MLXIP: variants seen among roughly 807,000 people sequenced by gnomAD.
MLXIP encodes MLX-interacting protein.
In MLXIP, 30 loss-of-function variants were observed where a neutral mutation model predicts 87.2. The observed-to-expected ratio is 0.34, with a 90% CI of 0.26 to 0.47. The LOEUF (loss-of-function observed/expected upper bound fraction) is 0.47, where lower values mean the gene tolerates loss of function less well. MLXIP is among the 20% of genes least tolerant of loss of function. MLXIP has a pLI of 1.00. For missense variants in MLXIP, 1,002 were observed against 1,240.1 expected, an observed-to-expected ratio of 0.81 and a Z score of 2.88; for synonymous variants, 530 against 514.0, an observed-to-expected ratio of 1.03 and a Z score of -0.42.
intron 1 of MLXIP, among the ~76,000 whole-genome samples, chr12:122,120,575 T>C (rs1436350865): frequency 6.6e-6 from 1 of 152,216 alleles, no homozygotes; most frequent in African/African-American, 2.4e-5. Flanking sequence ...TCATCTACTT[T>C]AAAATGGTTA....
At chr12:122,124,225 CCCA>C (rs1952835673) in intron 1 of MLXIP, among the ~76,000 whole-genome samples, 3 of 89,338 alleles carry the variant, frequency 3.4e-5, no homozygotes, top group South Asian at 1.1e-3. Flanking sequence ...CAGCCGTCCC[CCCA>C]CCCTCAGCCG....
intron 6 of MLXIP, 90 bp from the exon 7 acceptor site, chr12:122,130,754 G>A: frequency 4.5e-6 from 4 of 896,160 alleles, no homozygotes; most frequent in Middle Eastern, 2.1e-4. Flanking sequence ...GATGTGAGCA[G>A]GGCCAGGAAG....
At chr12:122,087,947 G>T (rs1952191780) in intron 1 of MLXIP, among the ~76,000 whole-genome samples, 1 of 152,234 alleles carries the variant, frequency 6.6e-6, no homozygotes, top group South Asian at 2.1e-4. Flanking sequence ...AGCAGCTGGG[G>T]CCATTACTGA....
At position 122,113,681 on chromosome 12, in the gene MLXIP, C is replaced by CTTTT. The variant is rs1173711241; in HGVS notation, c.414-13557_414-13554dup. The stretch of plus-strand genomic sequence containing the variant: ...ACAGTCCATATAACTGCCTTCATTT[C>CTTTT]TTTTTTTTTTTTTTTTTTTTTGAGA... On this transcript the variant is annotated intron_variant, in intron 1 of 16. Coordinates refer to ENST00000319080, the MANE Select transcript of MLXIP (RefSeq NM_014938.6). Among the ~76,000 whole-genome samples, 1,002 of 100,582 alleles carry CTTTT rather than the reference C, an allele frequency of 1.0e-2. 146 individuals carry two copies. The highest frequency in any genetic ancestry group is 0.036 in the African/African-American group (897 of 24,712). 66.0% of individuals were successfully genotyped at this position (100,582 alleles called of 152,430 possible).
Position 122,133,078 on chromosome 12 carries a change from ACAAGATATTCC to A in MLXIP, c.1093-267_1093-257del. 2.5e-6 allele frequency: 1 copy of A among 396,420 alleles called. No individual in the cohort carries two copies. The highest frequency in any genetic ancestry group is 3.9e-5 in the East Asian group (1 of 25,898). 24.6% of individuals were successfully genotyped at this position (396,420 alleles called of 1,614,324 possible). On this transcript the variant is annotated intron_variant, in intron 8 of 16. Transcript: ENST00000319080. The surrounding 1 kb of genome is among the most constrained non-coding windows in gnomAD (Gnocchi z 4.9). ...GGGGAGACTCTGCTGGACTCCAGAA[ACAAGATATTCC>A]CAGGCTGCTAGCCAGCTGTGTGAGG...
At chr12:122,113,160 CATAAG>C (rs1368126114) in intron 1 of MLXIP, among the ~76,000 whole-genome samples, 1 of 152,178 alleles carries the variant, frequency 6.6e-6, no homozygotes, top group African/African-American at 2.4e-5. Context: ...ACTTTATTGG[CATAAG>C]ATGTCTGTGA....
At chr12:122,098,436 A>AGTTCTTT (rs772594439) in intron 1 of MLXIP, among the ~76,000 whole-genome samples, 2 of 152,110 alleles carry the variant, frequency 1.3e-5, no homozygotes, top group African/African-American at 2.4e-5. Flanking sequence ...GCGCTCTTTC[A>AGTTCTTT]GTTCTTTGTT....
rs1030263059 is a variant in MLXIP, at chr12:122,142,357, T to C, written c.*545T>C. ...CCTTGTGGATGGACTTGGGCTTCTA[T>C]TCAGGCTTATGCATGGCAGGCTGCC... is the stretch of plus-strand genomic sequence containing the variant. On this transcript the variant is annotated 3_prime_UTR_variant, in exon 17 of 17. Transcript: ENST00000319080. The C allele has an allele frequency of 7.6e-5, 44 of 577,724 alleles. No individual in the cohort carries two copies. Among genetic ancestry groups the C allele is most frequent in the Non-Finnish European group, 1.3e-4 (41 of 305,438 alleles). 35.8% of individuals were successfully genotyped at this position (577,724 alleles called of 1,614,324 possible).
Position 122,142,787 on chromosome 12 carries a change from C to T in MLXIP, c.*975C>T, listed in dbSNP as rs756538969. ...GGGAGCCCCAAACCAGGACAGTTCT[C>T]GGACCAAAGATGCCCCCACACTCAA... On this transcript the variant is annotated 3_prime_UTR_variant, in exon 17 of 17. Transcript: ENST00000319080. 1.0e-4 allele frequency: 17 copies of T among 163,230 alleles called. No homozygotes were observed. The highest frequency in any genetic ancestry group is 1.8e-4 in the Admixed American group (3 of 17,026). 10.1% of individuals were successfully genotyped at this position (163,230 alleles called of 1,614,324 possible). A position where few individuals can be genotyped will look rare whatever the true frequency, so the allele number is the denominator to read the frequency against.
At chr12:122,085,403 G>T (rs893324914) in intron 1 of MLXIP, among the ~76,000 whole-genome samples, 3 of 151,216 alleles carry the variant, frequency 2.0e-5, no homozygotes, top group African/African-American at 7.3e-5. Flanking sequence ...AATCTGTAGT[G>T]AATTTTTTTT....
At chr12:122,108,489 A>G (rs1259899620) in intron 1 of MLXIP, among the ~76,000 whole-genome samples, 1 of 152,094 alleles carries the variant, frequency 6.6e-6, no homozygotes, top group African/African-American at 2.4e-5. Context: ...GCCCTTGTAC[A>G]TAACACGAGG....
chr12:122,129,360 G>T, intron 4 of MLXIP, 134 bp downstream of exon 4: 1 of 944,336 alleles, frequency 1.1e-6, no homozygotes, highest in Non-Finnish European at 1.6e-6. Flanking sequence ...TAAATCTGGG[G>T]CCCAGCGTGC....
At chr12:122,116,606 G>A (rs1014290698) in intron 1 of MLXIP, among the ~76,000 whole-genome samples, 1 of 152,160 alleles carries the variant, frequency 6.6e-6, no homozygotes, top group Non-Finnish European at 1.5e-5. Flanking sequence ...GCTTTAAATG[G>A]TGCCCTGCCC....
intron 1 of MLXIP, among the ~76,000 whole-genome samples, chr12:122,093,618 GTGGTGTGTGTGTTGGTGTGTGGTGTGT>G (rs1952286093): frequency 6.9e-6 from 1 of 144,592 alleles, no homozygotes; most frequent in Non-Finnish European, 1.5e-5. Flanking sequence ...TGGTGTGTGT[GTGGTGTGTGTGTTGGTGTGTGGTGTGT>G]TGGTGTGTGT....
At chr12:122,141,581 T>C in intron 16 of MLXIP, 110 bp from the exon 17 acceptor site, 1 of 1,504,192 alleles carries the variant, frequency 6.6e-7, no homozygotes, top group South Asian at 1.3e-5. Flanking sequence ...GCATGGCTGC[T>C]GCTCGCCCCG....
In MLXIP at chr12:122,135,485, G is replaced by T; in HGVS notation, c.1855-4G>T. On this transcript the variant is annotated splice_region_variant and splice_polypyrimidine_tract_variant and intron_variant, in intron 10 of 16. Coordinates refer to ENST00000319080, the MANE Select transcript of MLXIP (RefSeq NM_014938.6). The surrounding 1 kb of genome is among the most constrained non-coding windows in gnomAD (Gnocchi z 5.3). Reference sequence around the variant, plus strand: ...GGGGTGACCTGTCTCCCATGTCACTGCAGGCTCCTGGGGTCCCGGAGTTCC... The same window carrying T: ...GGGGTGACCTGTCTCCCATGTCACTTCAGGCTCCTGGGGTCCCGGAGTTCC... 6.2e-7 allele frequency: 1 copy of T among 1,609,540 alleles called. No individual in the cohort carries two copies. Among genetic ancestry groups the T allele is most frequent in the Non-Finnish European group, 8.5e-7 (1 of 1,178,298 alleles).
At chr12:122,083,991 T>A (rs571479260) in intron 1 of MLXIP, among the ~76,000 whole-genome samples, 1 of 152,272 alleles carries the variant, frequency 6.6e-6, no homozygotes, top group Admixed American at 6.5e-5. Context: ...TGCACTGAGG[T>A]GGGAGCCGGG....
intron 1 of MLXIP, among the ~76,000 whole-genome samples, chr12:122,090,839 T>C (rs1952235552): frequency 6.6e-6 from 1 of 152,210 alleles, no homozygotes; most frequent in South Asian, 2.1e-4. Flanking sequence ...TTGGAAACGC[T>C]GCACTAGGTG....
At chr12:122,120,975 C>G (rs1401328946) in intron 1 of MLXIP, among the ~76,000 whole-genome samples, 1 of 147,978 alleles carries the variant, frequency 6.8e-6, no homozygotes, top group Non-Finnish European at 1.5e-5. Context: ...GTTCTGAGAC[C>G]TATAACGATA....
Sources: gnomAD v4.1 joint callset for allele counts (sites outside exome capture counted in the v4.1 genomes callset) on GRCh38, gnomAD v4.1.1 for gene constraint, Gnocchi (gnomAD v3.1) non-coding constraint, MANE v1.5 for transcripts, NCBI Gene and HGNC (gene_info 2026-07-23, HGNC 2026-07-21) for gene names.